Variants in SPTBN1 observed in about 807,000 individuals in gnomAD.
SPTBN1 encodes spectrin beta, non-erythrocytic 1, also known as spectrin beta chain, non-erythrocytic 1.
Under a neutral mutation model 266.4 loss-of-function variants are expected in SPTBN1, and 32 were observed. The observed-to-expected ratio is 0.12, with a 90% CI of 0.09 to 0.16. SPTBN1 has a LOEUF of 0.16. Ranked by LOEUF, SPTBN1 falls within the 10% of genes least tolerant of loss-of-function variation. The pLI, the probability that SPTBN1 is intolerant of heterozygous loss-of-function variation, is 1.00. For synonymous variants in SPTBN1, 1,336 were observed against 1,162.2 expected (o/e 1.15, Z -3.04); for missense variants, 2,296 against 3,067.1 (o/e 0.75, Z 5.94).
intron 1 of SPTBN1, among the ~76,000 whole-genome samples, chr2:54,464,863 A>G (rs1159711443): frequency 3.3e-5 from 5 of 151,788 alleles, no homozygotes; most frequent in Admixed American, 6.6e-5. Context: ...TTTAAACCTT[A>G]AATTTTTTTA....
intron 1 of SPTBN1, among the ~76,000 whole-genome samples, chr2:54,483,043 C>T (rs1426103315): frequency 1.3e-5 from 2 of 152,136 alleles, no homozygotes; most frequent in East Asian, 1.9e-4. Flanking sequence ...CTGAGGAGGC[C>T]GGGCCAGGGA....
intron 2 of SPTBN1, among the ~76,000 whole-genome samples, chr2:54,582,977 C>T (rs1165651218): frequency 6.6e-6 from 1 of 152,144 alleles, no homozygotes; most frequent in Admixed American, 6.5e-5. Context: ...AGAAGAGTAC[C>T]TGGCCCTAGT....
Position 54,653,600 on chromosome 2 carries a change from G to C in SPTBN1, c.5578-9G>C. 6.2e-7 allele frequency: 1 copy of C among 1,612,842 alleles called. No homozygotes were observed. Among genetic ancestry groups the C allele is most frequent in the Middle Eastern group, 1.7e-4 (1 of 6,038 alleles). Reference sequence around the variant, plus strand: ...GCTGACCTGGCTCATCCCCTACATGGCTTCACAGGTGAGGCAGCTGCAGGA... The same window carrying C: ...GCTGACCTGGCTCATCCCCTACATGCCTTCACAGGTGAGGCAGCTGCAGGA... On this transcript the variant is annotated splice_polypyrimidine_tract_variant and intron_variant, in intron 26 of 35. Coordinates refer to ENST00000356805, the MANE Select transcript of SPTBN1 (RefSeq NM_003128.3). This position sits in a 1 kb window ranked among gnomAD's most constrained non-coding sequence, Gnocchi z 5.1.
At chr2:54,563,166 G>T (rs1374500570) in intron 2 of SPTBN1, among the ~76,000 whole-genome samples, 1 of 152,134 alleles carries the variant, frequency 6.6e-6, no homozygotes, top group Non-Finnish European at 1.5e-5. Context: ...TCTTTTAAAT[G>T]AAAGAATGAC....
chr2:54,549,490 T>C (rs17344044), intron 2 of SPTBN1, among the ~76,000 whole-genome samples: 109,349 of 152,040 alleles, frequency 0.72, 39,447 homozygotes, highest in African/African-American at 0.77. Flanking sequence ...AAAAGCCAAG[T>C]GAATGGCTCA....
intron 2 of SPTBN1, among the ~76,000 whole-genome samples, chr2:54,543,954 C>G (rs370057456): frequency 5.3e-5 from 8 of 152,232 alleles, no homozygotes; most frequent in South Asian, 4.1e-4. Context: ...CTTTAGTGCT[C>G]TGTTCCTCTT....
intron 3 of SPTBN1, among the ~76,000 whole-genome samples, chr2:54,602,428 G>T (rs1424569963): frequency 6.6e-6 from 1 of 152,140 alleles, no homozygotes; most frequent in Non-Finnish European, 1.5e-5. Context: ...GTAATGTTCT[G>T]CCCACAGCTC....
At chr2:54,661,185 A>G (rs1163542361) in intron 32 of SPTBN1, 6 of 985,470 alleles carry the variant, frequency 6.1e-6, no homozygotes, top group South Asian at 4.7e-5. Flanking sequence ...TTAGGATGGT[A>G]TCTATCAGGC....
At chr2:54,616,347 T>C in intron 5 of SPTBN1, 49 bp downstream of exon 5, 1 of 1,526,214 alleles carries the variant, frequency 6.6e-7, no homozygotes, top group African/African-American at 1.4e-5. Context: ...CAGGACTGAA[T>C]TCCACTGCAG....
intron 2 of SPTBN1, among the ~76,000 whole-genome samples, chr2:54,569,981 C>CCT (rs397953441): frequency 6.8e-6 from 1 of 147,926 alleles, no homozygotes; most frequent in Admixed American, 6.7e-5. Flanking sequence ...TCCCCCCCCC[C>CCT]TTTAGAAAGA....
At chr2:54,555,715 C>T (rs954178615) in intron 2 of SPTBN1, among the ~76,000 whole-genome samples, 20 of 152,196 alleles carry the variant, frequency 1.3e-4, no homozygotes, top group Non-Finnish European at 1.6e-4. Context: ...TTCCTCCCAG[C>T]CTGACGGTTC....
rs1681270160 is a variant in SPTBN1, at chr2:54,664,786, A to G, written c.6659+95A>G. ...TGAATTGGAAGAGAAGTATGTGCTCATGTAGTTTTATTCCTTTGGTAGCTT... is the reference window on the plus strand; with the variant it reads ...TGAATTGGAAGAGAAGTATGTGCTCGTGTAGTTTTATTCCTTTGGTAGCTT... On this transcript the variant is annotated intron_variant, in intron 33 of 35. Transcript: ENST00000356805. This position sits in a 1 kb window ranked among gnomAD's most constrained non-coding sequence, Gnocchi z 5.6. 5 of 1,258,044 alleles carry G rather than the reference A, an allele frequency of 4.0e-6. No individual in the cohort carries two copies. The highest frequency in any genetic ancestry group is 2.1e-4 in the Middle Eastern group (1 of 4,790). The allele number at this position is 1,258,044 out of a possible 1,614,324, so 77.9% of individuals were successfully genotyped here. A position where few individuals can be genotyped will look rare whatever the true frequency, so the allele number is the denominator to read the frequency against.
chr2:54,591,711 G>GA (rs1675694532), intron 2 of SPTBN1, among the ~76,000 whole-genome samples: 1 of 152,202 alleles, frequency 6.6e-6, no homozygotes, highest in Non-Finnish European at 1.5e-5. Context: ...GGCATATGGT[G>GA]AATATAGTTG....
At chr2:54,497,848 A>G (rs1384018607) in intron 1 of SPTBN1, among the ~76,000 whole-genome samples, 4 of 152,228 alleles carry the variant, frequency 2.6e-5, no homozygotes, top group African/African-American at 7.2e-5. Flanking sequence ...TACAAAATCC[A>G]TAAAAACAGG....
chr2:54,573,673 G>A (rs1443694379), intron 2 of SPTBN1, among the ~76,000 whole-genome samples: 2 of 152,174 alleles, frequency 1.3e-5, no homozygotes, highest in Non-Finnish European at 2.9e-5. Flanking sequence ...AACTCCTTTT[G>A]GACTACTAGG....
intron 32 of SPTBN1, chr2:54,661,622 T>G: frequency 3.0e-6 from 3 of 985,882 alleles, no homozygotes; most frequent in Non-Finnish European, 3.6e-6. Context: ...AAATTCATTT[T>G]AGACAAAAAA....
intron 3 of SPTBN1, among the ~76,000 whole-genome samples, chr2:54,603,299 A>G (rs574907581): frequency 2.0e-5 from 3 of 152,294 alleles, no homozygotes; most frequent in African/African-American, 7.2e-5. Flanking sequence ...GAACTGGCGC[A>G]GGGCAAGTTT....
At chr2:54,567,271 G>A (rs951133525) in intron 2 of SPTBN1, among the ~76,000 whole-genome samples, 9 of 152,182 alleles carry the variant, frequency 5.9e-5, no homozygotes, top group Middle Eastern at 3.2e-3. Context: ...AATAAAGGAT[G>A]CAAGGCCCTG....
intron 1 of SPTBN1, among the ~76,000 whole-genome samples, chr2:54,501,478 G>A (rs756244353): frequency 1.3e-5 from 2 of 152,198 alleles, no homozygotes; most frequent in Non-Finnish European, 2.9e-5. Context: ...TTTAGGTACA[G>A]TGTTAGGGAT....
Sources: allele counts gnomAD v4.1 joint callset (sites outside exome capture counted in the v4.1 genomes callset), GRCh38; gene constraint gnomAD v4.1.1; non-coding constraint Gnocchi (gnomAD v3.1); transcripts MANE v1.5; gene names NCBI Gene and HGNC (gene_info 2026-07-23, HGNC 2026-07-21).